MAP3K7CL: variants seen among roughly 807,000 people sequenced by gnomAD.
MAP3K7CL encodes MAP3K7 C-terminal-like protein.
A neutral mutation model predicts 18.6 loss-of-function variants in MAP3K7CL; 16 were observed. The ratio of observed to expected loss-of-function variants is 0.86; its 90% CI spans 0.58 to 1.31. The LOEUF is 1.31. Ranked by LOEUF, MAP3K7CL falls within the 50% of genes most tolerant of loss-of-function variation. The pLI, the probability that MAP3K7CL is intolerant of heterozygous loss-of-function variation, is 0.00. For missense variants in MAP3K7CL, 163 were observed against 174.4 expected (o/e 0.93, Z 0.37); for synonymous variants, 65 against 66.8 (o/e 0.97, Z 0.13).
intron 4 of MAP3K7CL, among the ~76,000 whole-genome samples, chr21:29,114,778 G>T (rs147449092): frequency 1.3e-5 from 2 of 152,200 alleles, no homozygotes; most frequent in African/African-American, 2.4e-5. Context: ...AGACTGTAGG[G>T]TGTAGACCAG....
At chr21:29,112,891 C>G (rs73192180) in intron 4 of MAP3K7CL, among the ~76,000 whole-genome samples, 26,668 of 151,922 alleles carry the variant, frequency 0.18, 2,717 homozygotes, top group South Asian at 0.23. Context: ...CCACTGCAAC[C>G]TCTGCCTCCT....
At chr21:29,109,113 C>A in intron 4 of MAP3K7CL, 2 of 1,535,266 alleles carry the variant, frequency 1.3e-6, no homozygotes, top group African/African-American at 1.4e-5. Context: ...TTATGAAGAC[C>A]ACCTGGGCCT....
upstream of MAP3K7CL, among the ~76,000 whole-genome samples, chr21:29,126,349 A>G (rs1359185960): frequency 1.3e-5 from 2 of 152,192 alleles, no homozygotes; most frequent in African/African-American, 4.8e-5. Context: ...CCATTCCTAT[A>G]CATGTTGTCT....
chr21:29,142,393 T>C (rs2087029708), intron 2 of MAP3K7CL, among the ~76,000 whole-genome samples: 1 of 152,178 alleles, frequency 6.6e-6, no homozygotes, highest in Non-Finnish European at 1.5e-5. Context: ...CAGATTTAAA[T>C]GAAGAGAGTA....
intron 1 of MAP3K7CL, among the ~76,000 whole-genome samples, chr21:29,086,363 A>G (rs13048618): frequency 0.38 from 57,766 of 152,008 alleles, 12,262 homozygotes; most frequent in South Asian, 0.52. Flanking sequence ...GAACTTCTCG[A>G]GGTTCATGGC....
chr21:29,130,863 C>T lies in MAP3K7CL; in HGVS notation c.-100C>T, dbSNP rs192352848. The T allele has an allele frequency of 1.5e-5, 15 of 985,534 alleles. No individual in the cohort carries two copies. The highest frequency in any genetic ancestry group is 1.1e-4 in the East Asian group (1 of 8,820). The allele number at this position is 985,534 out of a possible 1,614,324, so 61.0% of individuals were successfully genotyped here. ...CTGAGTCTCTACTCCACAAAGGCAA[C>T]GACTGGCCAAGGCAGTGGCTGGCTC... is the stretch of plus-strand genomic sequence containing the variant. On this transcript the variant is annotated 5_prime_UTR_variant, in exon 1 of 5. In the 5' UTR this introduces an upstream ATG that the reference lacks. Coordinates refer to ENST00000399928, the MANE Select transcript of MAP3K7CL (RefSeq NM_001286620.2).
intron 3 of MAP3K7CL, among the ~76,000 whole-genome samples, chr21:29,156,181 A>G (rs1321410511): frequency 2.0e-5 from 3 of 152,242 alleles, no homozygotes; most frequent in South Asian, 2.1e-4. Flanking sequence ...ATAATTAACT[A>G]TCAACATTAA....
intron 2 of MAP3K7CL, among the ~76,000 whole-genome samples, chr21:29,135,061 CA>C (rs60478798): frequency 1.6e-4 from 16 of 103,108 alleles, no homozygotes; most frequent in Non-Finnish European, 2.6e-4. Context: ...AAAAAAAAAA[CA>C]AAAAAAACAA....
intron 1 of MAP3K7CL, among the ~76,000 whole-genome samples, chr21:29,131,741 G>A (rs2086784436): frequency 6.6e-6 from 1 of 152,018 alleles, no homozygotes; most frequent in African/African-American, 2.4e-5. Flanking sequence ...GCTATACTAG[G>A]GTTTTAATAT....
intron 4 of MAP3K7CL, among the ~76,000 whole-genome samples, chr21:29,108,227 C>T (rs2086357711): frequency 6.6e-6 from 1 of 152,016 alleles, no homozygotes; most frequent in Non-Finnish European, 1.5e-5. Context: ...GCTTAGTGTC[C>T]TTATAAGAAG....
intron 4 of MAP3K7CL, among the ~76,000 whole-genome samples, chr21:29,124,992 C>T (rs886217484): frequency 7.9e-5 from 12 of 152,262 alleles, no homozygotes; most frequent in Admixed American, 3.9e-4. Flanking sequence ...AAAACTGAGT[C>T]CTGGAGGTAT....
At chr21:29,127,529 A>G (rs1275900240), upstream of MAP3K7CL, among the ~76,000 whole-genome samples, 1 of 152,238 alleles carries the variant, frequency 6.6e-6, no homozygotes, top group East Asian at 1.9e-4. Context: ...CATTGCTCAT[A>G]TGGGAACAGA....
At chr21:29,111,880 G>A (rs925891785) in intron 4 of MAP3K7CL, among the ~76,000 whole-genome samples, 1 of 152,174 alleles carries the variant, frequency 6.6e-6, no homozygotes, top group African/African-American at 2.4e-5. Context: ...TCCCATGGAT[G>A]ACTTAAACCC....
chr21:29,157,076 G>C (rs887923842), intron 3 of MAP3K7CL, among the ~76,000 whole-genome samples: 1 of 152,176 alleles, frequency 6.6e-6, no homozygotes, highest in East Asian at 1.9e-4. Flanking sequence ...AGAGACAGCA[G>C]AAAGGTTTAA....
At chr21:29,164,686 A>G (rs1300919605) in intron 4 of MAP3K7CL, among the ~76,000 whole-genome samples, 1 of 152,220 alleles carries the variant, frequency 6.6e-6, no homozygotes, top group Non-Finnish European at 1.5e-5. Flanking sequence ...GCTGAATCCA[A>G]TTTAAAGAAT....
chr21:29,147,612 T>C (rs954693404), intron 2 of MAP3K7CL, among the ~76,000 whole-genome samples: 1 of 151,874 alleles, frequency 6.6e-6, no homozygotes, highest in Non-Finnish European at 1.5e-5. Flanking sequence ...ATATGTGTAC[T>C]GTATATGTAT....
chr21:29,143,914 A>G (rs2087065457), intron 2 of MAP3K7CL, among the ~76,000 whole-genome samples: 1 of 152,162 alleles, frequency 6.6e-6, no homozygotes, highest in African/African-American at 2.4e-5. Context: ...AAAGAAAGAA[A>G]GAAGGGTACG....
At chr21:29,141,423 G>A (rs1261588721) in intron 2 of MAP3K7CL, among the ~76,000 whole-genome samples, 1 of 151,664 alleles carries the variant, frequency 6.6e-6, no homozygotes, top group Admixed American at 6.6e-5. Context: ...TGAGGCAGGA[G>A]AATCGCTTGA....
chr21:29,106,202 T>C (rs749434156), intron 4 of MAP3K7CL, among the ~76,000 whole-genome samples: 5 of 152,144 alleles, frequency 3.3e-5, no homozygotes, highest in African/African-American at 7.2e-5. Context: ...TTTTTTTTGT[T>C]TTGAGATGGA....
Sources: allele counts gnomAD v4.1 joint callset (sites outside exome capture counted in the v4.1 genomes callset), GRCh38; gene constraint gnomAD v4.1.1; transcripts MANE v1.5; gene names NCBI Gene and HGNC (gene_info 2026-07-23, HGNC 2026-07-21).